The following MRPS2 variants were observed in gnomAD, a reference collection of about 807,000 sequenced individuals.
MRPS2 encodes the protein mitochondrial ribosomal protein S2, also known as small ribosomal subunit protein uS2m.
In MRPS2, 13 loss-of-function variants were observed where a neutral mutation model predicts 18.9. That is an observed-to-expected ratio of 0.69 (90% CI 0.45 to 1.09). The LOEUF (loss-of-function observed/expected upper bound fraction) is 1.09. Among genes scored for constraint, MRPS2 ranks in the 50% least tolerant of loss-of-function variants. MRPS2 has a pLI of 0.00. For synonymous variants in MRPS2, 186 were observed against 178.4 expected (o/e 1.04, Z -0.34); for missense variants, 389 against 421.7 (o/e 0.92, Z 0.68).
intron 2 of MRPS2, 159 bp downstream of exon 2, chr9:135,501,282 T>G (rs968569): frequency 0.56 from 802,509 of 1,429,876 alleles, 234,669 homozygotes; most frequent in African/African-American, 0.92. Context: ...CGGTCCTGCC[T>G]GACGTAGCAC....
exon 1 of MRPS2, chr9:135,500,661 CCGCTCGGCCTGGCCTGGAGGGAGACCT>C: frequency 7.1e-7 from 1 of 1,409,182 alleles, no homozygotes. Context: ...GAAGGGGAGG[CCGCTCGGCCTGGCCTGGAGGGAGACCT>C]CGCTCTGCCC....
rs1383676974 is a variant in MRPS2, at chr9:135,500,690, G to C, written c.-21G>C. 1 of 1,461,962 alleles carries C rather than the reference G, an allele frequency of 6.8e-7. No individual in the cohort carries two copies. Among genetic ancestry groups the C allele is most frequent in the Non-Finnish European group, 9.0e-7 (1 of 1,114,600 alleles). 90.6% of individuals were successfully genotyped at this position (1,461,962 alleles called of 1,614,324 possible). A position where few individuals can be genotyped will look rare whatever the true frequency, so the allele number is the denominator to read the frequency against. ...TCGGCCTGGCCTGGAGGGAGACCTC[G>C]CTCTGCCCCGCGTCCCAGCCATGGC... On this transcript the variant is annotated 5_prime_UTR_variant, in exon 1 of 4. Transcript: ENST00000241600.
intron 3 of MRPS2, chr9:135,502,284 G>T: frequency 8.6e-7 from 1 of 1,165,880 alleles, no homozygotes; most frequent in South Asian, 2.1e-5. Flanking sequence ...CCCCCGGATC[G>T]GGCTGGGCCT....
In MRPS2 at chr9:135,504,184, A is replaced by G. The variant is rs1354682740; in HGVS notation, c.*51A>G. 1 of 1,468,832 alleles carries G rather than the reference A, an allele frequency of 6.8e-7. No homozygotes were observed. The allele number at this position is 1,468,832 out of a possible 1,614,324, so 91.0% of individuals were successfully genotyped here. A position where few individuals can be genotyped will look rare whatever the true frequency, so the allele number is the denominator to read the frequency against. ...CACAGCCAAGCCTGTCTGAGCTGGG[A>G]GTCCCCTTCCCCAGCCCTGGGTCAG... On this transcript the variant is annotated 3_prime_UTR_variant, in exon 4 of 4. Coordinates refer to ENST00000241600, the MANE Select transcript of MRPS2 (RefSeq NM_016034.5). The surrounding 1 kb of genome is among the most constrained non-coding windows in gnomAD (Gnocchi z 4.3).
At position 135,500,725 on chromosome 9, in the gene MRPS2, G is replaced by C. The variant is rs775466163; in HGVS notation, c.15G>C (p.Ser5=). The change falls in exon 1 of 4, where the codon TCG becomes TCC. Residue 5 remains serine (S), a synonymous_variant. Transcript: ENST00000241600. The part of the protein sequence containing the change: MATS[S]AALPRILGAG... ...GCGTCCCAGCCATGGCGACATCCTC[G>C]GCCGCGCTGCCCCGAATACTCGGCG... 1.4e-6 allele frequency: 2 copies of C among 1,480,892 alleles called. No individual in the cohort carries two copies. The highest frequency in any genetic ancestry group is 1.8e-6 in the Non-Finnish European group (2 of 1,121,630). 91.7% of individuals were successfully genotyped at this position (1,480,892 alleles called of 1,614,324 possible).
Position 135,503,717 on chromosome 9 carries a change from G to T in MRPS2, c.475G>T (p.Ala159Ser). 1 of 1,613,540 alleles carries T rather than the reference G, an allele frequency of 6.2e-7. No individual in the cohort carries two copies. ...GTTCTCGTACCTGATTGAGAACATG[G>T]CCCGTGACTGTGGCGAGTACGCCCA... The part of the protein sequence containing the change: ...RQFSYLIENM[A>S]RDCGEYAHTR... Residue 159 changes from alanine to serine, a missense_variant, in exon 4 of 4, where the codon GCC becomes TCC. By Grantham distance (99) the Ala-to-Ser change is moderately conservative. Transcript: ENST00000241600.
chr9:135,501,367 G>C, intron 2 of MRPS2: 4 of 1,367,376 alleles, frequency 2.9e-6, no homozygotes, highest in Non-Finnish European at 3.8e-6. Flanking sequence ...CACAGGCTTC[G>C]CTCCCTAGGG....
upstream of MRPS2, chr9:135,500,135 A>C: frequency 2.3e-6 from 1 of 438,044 alleles, no homozygotes; most frequent in Non-Finnish European, 4.0e-6. Flanking sequence ...GGGCGAAAGA[A>C]ACCCCAGGGC....
At position 135,503,695 on chromosome 9, in the gene MRPS2, C is replaced by T. The variant is rs761507974; in HGVS notation, c.453C>T (p.Phe151=). The T allele has an allele frequency of 1.9e-6, 3 of 1,613,656 alleles. No individual in the cohort carries two copies. The highest frequency in any genetic ancestry group is 1.1e-5 in the South Asian group (1 of 91,090). ...TGTTTATAAGCCGCAACCGGCAGTTCTCGTACCTGATTGAGAACATGGCCC... is the reference window on the plus strand; with the variant it reads ...TGTTTATAAGCCGCAACCGGCAGTTTTCGTACCTGATTGAGAACATGGCCC... The part of the protein sequence containing the change: ...IILFISRNRQ[F]SYLIENMARD... The change falls in exon 4 of 4, where the codon TTC becomes TTT. Residue 151 remains phenylalanine (F), a synonymous_variant. Transcript: ENST00000241600.
In MRPS2 at chr9:135,500,998, G is replaced by A. The variant is rs1831102293; in HGVS notation, c.44G>A (p.Gly15Asp). The A allele has an allele frequency of 6.2e-7, 1 of 1,611,910 alleles. No individual in the cohort carries two copies. The highest frequency in any genetic ancestry group is 8.5e-7 in the Non-Finnish European group (1 of 1,179,572). The change falls in exon 2 of 4, where the codon GGT becomes GAT. Residue 15 changes from glycine to aspartate, a missense_variant and splice_region_variant. Physicochemically the swap from Gly to Asp is moderately conservative, Grantham distance 94. Transcript: ENST00000241600. ...SAALPRILGA[G>D]ARAPSRWLGF... The stretch of plus-strand genomic sequence containing the variant: ...AGGACCTCTATCTACTTCCCCCCAG[G>A]TGCCCGGGCCCCGTCGCGCTGGTTG...
At chr9:135,500,074 C>T (rs1268584609), upstream of MRPS2, 1 of 538,194 alleles carries the variant, frequency 1.9e-6, no homozygotes, top group Non-Finnish European at 3.2e-6. Flanking sequence ...CCCAGGCCCC[C>T]AGCCACCCGC....
intron 3 of MRPS2, among the ~76,000 whole-genome samples, chr9:135,502,814 G>A (rs112033301): frequency 0.013 from 2,033 of 152,268 alleles, 23 homozygotes; most frequent in African/African-American, 0.026. Flanking sequence ...AGGGACAGCC[G>A]GGGGTAGGGG....
chr9:135,501,314 C>T (rs1184810107), intron 2 of MRPS2, 191 bp downstream of exon 2: 6 of 1,413,112 alleles, frequency 4.2e-6, no homozygotes, highest in Non-Finnish European at 4.6e-6. Context: ...GCCACCGCCT[C>T]ACCATGGATA....
chr9:135,500,699 C>A lies in MRPS2; in HGVS notation c.-12C>A, dbSNP rs777841789. ...CCTGGAGGGAGACCTCGCTCTGCCC[C>A]GCGTCCCAGCCATGGCGACATCCTC... On this transcript the variant is annotated 5_prime_UTR_variant, in exon 1 of 4. Coordinates refer to ENST00000241600, the MANE Select transcript of MRPS2 (RefSeq NM_016034.5). 1.5e-5 allele frequency: 22 copies of A among 1,468,108 alleles called. No individual in the cohort carries two copies. Among genetic ancestry groups the A allele is most frequent in the Non-Finnish European group, 1.8e-5 (20 of 1,117,334 alleles). The allele number at this position is 1,468,108 out of a possible 1,614,324, so 90.9% of individuals were successfully genotyped here. A position where few individuals can be genotyped will look rare whatever the true frequency, so the allele number is the denominator to read the frequency against.
intron 3 of MRPS2, chr9:135,502,357 TG>T: frequency 4.5e-6 from 1 of 221,542 alleles, no homozygotes; most frequent in Admixed American, 8.3e-5. Context: ...TTGACTGCTG[TG>T]GGGGGAGGGG....
chr9:135,503,761 C>G lies in MRPS2; in HGVS notation c.519C>G (p.Gly173=). The change falls in exon 4 of 4, where the codon GGC becomes GGG. Residue 173 remains glycine (G), a synonymous_variant. Transcript: ENST00000241600. The part of the protein sequence containing the change: ...GEYAHTRYFR[G]GMLTNARLLF... The stretch of plus-strand genomic sequence containing the variant: ...ACGCCCACACTCGCTACTTCAGGGG[C>G]GGCATGCTGACCAACGCGCGCCTCC... The G allele has an allele frequency of 6.2e-7, 1 of 1,612,776 alleles. No homozygotes were observed. The highest frequency in any genetic ancestry group is 8.5e-7 in the Non-Finnish European group (1 of 1,179,926).
intron 1 of MRPS2, 97 bp downstream of exon 1, chr9:135,500,850 C>A (rs1270965639): frequency 2.0e-6 from 3 of 1,497,948 alleles, no homozygotes; most frequent in Non-Finnish European, 8.9e-7. Context: ...GGAGGGGACC[C>A]GGGGCGAGCG....
chr9:135,501,417 G>T, intron 2 of MRPS2: 1 of 1,173,330 alleles, frequency 8.5e-7, no homozygotes, highest in Non-Finnish European at 1.1e-6. Flanking sequence ...CCCCGAGCTC[G>T]CCCAGGCGGG....
At chr9:135,503,014 G>A (rs898957887) in intron 3 of MRPS2, 10 of 758,786 alleles carry the variant, frequency 1.3e-5, no homozygotes, top group South Asian at 1.2e-4. Flanking sequence ...ACCGAGAGGC[G>A]GGGGTGTCTC....
Sources: allele counts gnomAD v4.1 joint callset (sites outside exome capture counted in the v4.1 genomes callset), GRCh38; gene constraint gnomAD v4.1.1; non-coding constraint Gnocchi (gnomAD v3.1); transcripts MANE v1.5; gene names NCBI Gene and HGNC (gene_info 2026-07-23, HGNC 2026-07-21).